Variants in SHROOM3 observed in about 807,000 individuals in gnomAD.
SHROOM3 encodes the protein protein Shroom3.
Under a neutral mutation model 138.6 loss-of-function variants are expected in SHROOM3, and 47 were observed. The observed-to-expected ratio is 0.34, with a 90% CI of 0.27 to 0.43. SHROOM3 has a LOEUF of 0.43. Ranked by LOEUF, SHROOM3 falls within the 20% of genes least tolerant of loss-of-function variation. SHROOM3 has a pLI of 1.00. For missense variants in SHROOM3, 2,491 were observed against 2,596.5 expected (o/e 0.96, Z 0.88); for synonymous variants, 1,062 against 1,063.3 (o/e 1.00, Z 0.02).
Position 76,441,956 on chromosome 4 carries a change from G to A in SHROOM3, c.168+5736G>A, listed in dbSNP as rs113426256. Among the ~76,000 whole-genome samples, 1,322 of 152,116 alleles carry A rather than the reference G, an allele frequency of 8.7e-3. 14 individuals are homozygous for A. The highest frequency in any genetic ancestry group is 0.03 in the African/African-American group (1,248 of 41,510). ...AGGCTGGTCTCAAGCTCCCAACCTC[G>A]AGTGATGTACCTACCTCGGCCTCCC... On this transcript the variant is annotated intron_variant, in intron 1 of 10. Coordinates refer to ENST00000296043, the MANE Select transcript of SHROOM3 (RefSeq NM_020859.4).
At chr4:76,476,016 C>G (rs1239360929) in intron 1 of SHROOM3, among the ~76,000 whole-genome samples, 1 of 152,184 alleles carries the variant, frequency 6.6e-6, no homozygotes, top group Non-Finnish European at 1.5e-5. Flanking sequence ...TCACATGAAA[C>G]AATCCTACCT....
At chr4:76,685,141 C>T (rs1025321380) in intron 2 of SHROOM3, among the ~76,000 whole-genome samples, 3 of 152,204 alleles carry the variant, frequency 2.0e-5, no homozygotes, top group African/African-American at 4.8e-5. Context: ...ATCTATGTTT[C>T]AAGTGTGTTC....
rs71607374 is a variant in SHROOM3, at chr4:76,741,333, G to A, written c.3160G>A (p.Val1054Met). Residue 1054 changes from valine (V) to methionine (M), a missense_variant, in exon 5 of 11, where the codon GTG (valine) becomes ATG (methionine). By Grantham distance (21) the Val-to-Met change is conservative. Transcript: ENST00000296043. The surrounding 1 kb of genome is among the most constrained non-coding windows in gnomAD (Gnocchi z 6.2). ...RNGMRFPESS[V>M]ADRRRLFERD... ...TGGGATGCGTTTCCCGGAGAGCAGCGTGGCCGACCGGCGCCGTCTCTTCGA... is the reference window on the plus strand; with the variant it reads ...TGGGATGCGTTTCCCGGAGAGCAGCATGGCCGACCGGCGCCGTCTCTTCGA... The A allele has an allele frequency of 5.6e-4, 895 of 1,610,992 alleles. 3 individuals are homozygous for A. In the African/African-American group the frequency reaches 0.011, roughly 19 times the overall value.
At chr4:76,633,656 CAAA>C (rs869138315) in intron 2 of SHROOM3, among the ~76,000 whole-genome samples, 7 of 88,752 alleles carry the variant, frequency 7.9e-5, no homozygotes, top group African/African-American at 2.1e-4. Context: ...GACTCCGTCT[CAAA>C]AAAAAAAAAA....
chr4:76,667,858 C>T (rs368349738), intron 2 of SHROOM3, among the ~76,000 whole-genome samples: 1 of 146,568 alleles, frequency 6.8e-6, no homozygotes, highest in East Asian at 2.1e-4. Flanking sequence ...GTCCTAGCTA[C>T]TCGGGAGGCT....
At chr4:76,463,563 A>G (rs1257944364) in intron 1 of SHROOM3, among the ~76,000 whole-genome samples, 1 of 152,236 alleles carries the variant, frequency 6.6e-6, no homozygotes, top group Non-Finnish European at 1.5e-5. Flanking sequence ...CCCAATGTTA[A>G]TAGCCAAGAC....
chr4:76,490,960 G>A (rs896955059), intron 1 of SHROOM3, among the ~76,000 whole-genome samples: 4 of 152,136 alleles, frequency 2.6e-5, no homozygotes, highest in African/African-American at 9.7e-5. Flanking sequence ...GTTGGAATAA[G>A]GCTTTGGAAT....
At chr4:76,734,430 G>A (rs943429339) in intron 4 of SHROOM3, among the ~76,000 whole-genome samples, 6 of 152,034 alleles carry the variant, frequency 3.9e-5, no homozygotes, top group Non-Finnish European at 7.3e-5. Context: ...AATCATCTAA[G>A]GAATTAGTGT....
In SHROOM3 at chr4:76,730,876, C is replaced by T; in HGVS notation, c.528C>T (p.Ser176=). 6.2e-7 allele frequency: 1 copy of T among 1,614,134 alleles called. No homozygotes were observed. Among genetic ancestry groups the T allele is most frequent in the Non-Finnish European group, 8.5e-7 (1 of 1,180,018 alleles). Residue 176 remains serine, a synonymous_variant, in exon 4 of 11, where the codon AGC becomes AGT. Coordinates refer to ENST00000296043, the MANE Select transcript of SHROOM3 (RefSeq NM_020859.4). ...CTGGGGAGAAGCAACCCGATGCCAG[C>T]ATGATGCAGATATCTCAGGGTATGA... ...TKSGEKQPDA[S]MMQISQGMIG...
chr4:76,497,415 A>T (rs1731990382), intron 1 of SHROOM3, among the ~76,000 whole-genome samples: 1 of 152,242 alleles, frequency 6.6e-6, no homozygotes, highest in Admixed American at 6.5e-5. Flanking sequence ...GTAATAATAA[A>T]GATCAGAGTG....
At chr4:76,436,335 A>G (rs937616455) in intron 1 of SHROOM3, 115 bp downstream of exon 1, 2 of 1,061,414 alleles carry the variant, frequency 1.9e-6, no homozygotes, top group African/African-American at 1.7e-5. Context: ...TTGCTGTTTC[A>G]TGCCTTTCTG....
intron 1 of SHROOM3, among the ~76,000 whole-genome samples, chr4:76,482,712 A>G (rs543439286): frequency 3.9e-5 from 6 of 152,318 alleles, no homozygotes; most frequent in Non-Finnish European, 5.9e-5. Flanking sequence ...AGCAAAAAGA[A>G]CAAAGCTGGA....
intron 2 of SHROOM3, among the ~76,000 whole-genome samples, chr4:76,687,962 C>T (rs904709375): frequency 2.6e-5 from 4 of 152,182 alleles, no homozygotes; most frequent in Non-Finnish European, 4.4e-5. Context: ...CTGTGTTCTC[C>T]AGCTAATACT....
At chr4:76,499,023 C>G (rs930997789) in intron 1 of SHROOM3, among the ~76,000 whole-genome samples, 1 of 152,230 alleles carries the variant, frequency 6.6e-6, no homozygotes, top group Admixed American at 6.5e-5. Flanking sequence ...TAGGAACAGA[C>G]AGAGATGCTG....
intron 1 of SHROOM3, among the ~76,000 whole-genome samples, chr4:76,544,884 G>T (rs981175867): frequency 4.6e-5 from 7 of 152,090 alleles, no homozygotes; most frequent in African/African-American, 1.4e-4. Flanking sequence ...TTTACAGCTG[G>T]TCTCTTCACT....
rs762812548 is a variant in SHROOM3, at chr4:76,740,482, A to T, written c.2309A>T (p.Gln770Leu). 5.6e-6 allele frequency: 9 copies of T among 1,612,578 alleles called. No individual in the cohort carries two copies. The African/African-American group carries it at 1.2e-4, about 22-fold the overall frequency. Residue 770 changes from glutamine to leucine, a missense_variant, in exon 5 of 11, where the codon CAG (glutamine) becomes CTG (leucine). By Grantham distance (113) the Gln-to-Leu change is moderately radical (BLOSUM62 -2). This residue lies in a region of SHROOM3 where 1,733 missense variants were observed against 1,661.6 expected (regional missense o/e 1.04). Transcript: ENST00000296043. The surrounding 1 kb of genome is among the most constrained non-coding windows in gnomAD (Gnocchi z 4.0). ...GGCCCAGGCAGCGCCTCGGCTCTTC[A>T]GGGCTTTCAGTACGGGAAGCCCCAC... ...GPGPGSASAL[Q>L]GFQYGKPHCS...
At chr4:76,774,699 G>A (rs1022168920) in intron 10 of SHROOM3, among the ~76,000 whole-genome samples, 1 of 135,370 alleles carries the variant, frequency 7.4e-6, no homozygotes, top group Non-Finnish European at 1.6e-5. Context: ...GTCCCTCAGG[G>A]TTTTTTGGGG....
At chr4:76,668,987 T>C (rs1377037175) in intron 2 of SHROOM3, among the ~76,000 whole-genome samples, 1 of 152,198 alleles carries the variant, frequency 6.6e-6, no homozygotes, top group East Asian at 1.9e-4. Flanking sequence ...CACAAGCATA[T>C]TGCATTTTTT....
chr4:76,502,351 A>G (rs1434809100), intron 1 of SHROOM3, among the ~76,000 whole-genome samples: 1 of 152,232 alleles, frequency 6.6e-6, no homozygotes, highest in African/African-American at 2.4e-5. Flanking sequence ...TAATCAAACC[A>G]AAGTGGAGGT....
Sources: allele counts gnomAD v4.1 joint callset (sites outside exome capture counted in the v4.1 genomes callset), GRCh38; gene constraint gnomAD v4.1.1; regional missense constraint gnomAD v4.1.1; non-coding constraint Gnocchi (gnomAD v3.1); transcripts MANE v1.5; gene names NCBI Gene and HGNC (gene_info 2026-07-23, HGNC 2026-07-21).